PCDHGC5: variants seen among roughly 807,000 people sequenced by gnomAD.
PCDHGC5 encodes protocadherin gamma subfamily C, 5, also known as protocadherin gamma-C5.
In PCDHGC5, 25 loss-of-function variants were observed where a neutral mutation model predicts 59.0. The ratio of observed to expected loss-of-function variants is 0.42; its 90% confidence interval spans 0.31 to 0.59. The LOEUF (loss-of-function observed/expected upper bound fraction) is 0.59. Ranked by LOEUF, PCDHGC5 falls within the 20% of genes least tolerant of loss-of-function variation. The probability of loss-of-function intolerance (pLI) is 0.13; values close to 1 mark genes in which losing one functional copy is unlikely to be tolerated. For synonymous variants in PCDHGC5, 434 were observed against 505.5 expected (o/e 0.86, Z 1.90); for missense variants, 1,067 against 1,206.4 (o/e 0.88, Z 1.71).
At chr5:141,497,201 G>A (rs1190666375) in intron 2 of PCDHGC5, among the ~76,000 whole-genome samples, 1 of 93,734 alleles carries the variant, frequency 1.1e-5, no homozygotes, top group African/African-American at 8.6e-5. Flanking sequence ...AGAACAATGT[G>A]AGTGTAATGG....
rs934674909 is a variant in PCDHGC5, at chr5:141,511,083, A to C, written c.2745A>C (p.Thr915=). Residue 915 remains threonine, a synonymous_variant, in exon 4 of 4, where the codon ACA becomes ACC. Transcript: ENST00000252087. The part of the protein sequence containing the change: ...QNVYIPGSNA[T]LTNAAGKRDG... Reference sequence around the variant, plus strand: ...TCTACATCCCAGGCAGCAATGCCACACTGACCAACGCAGCTGGCAAGCGGG... The same window carrying C: ...TCTACATCCCAGGCAGCAATGCCACCCTGACCAACGCAGCTGGCAAGCGGG... 1.2e-6 allele frequency: 2 copies of C among 1,614,108 alleles called. No homozygotes were observed. Among genetic ancestry groups the C allele is most frequent in the African/African-American group, 2.7e-5 (2 of 74,940 alleles).
intron 2 of PCDHGC5, 142 bp downstream of exon 2, chr5:141,495,007 G>C (rs2099758216): frequency 2.0e-6 from 3 of 1,522,276 alleles, no homozygotes; most frequent in Non-Finnish European, 8.8e-7. Flanking sequence ...TTGGTGTGCG[G>C]GGGGCTGGCA....
At position 141,491,796 on chromosome 5, in the gene PCDHGC5, C is replaced by T. The variant is rs1487915203; in HGVS notation, c.2460+96C>T. The stretch of plus-strand genomic sequence containing the variant: ...GATTGAACTTGCATCCACTCCTCTC[C>T]GGCCGGCTTGGTCGCTGGCTGCGCT... On this transcript the variant is annotated intron_variant, in intron 1 of 3. Transcript: ENST00000252087. The surrounding 1 kb of genome is among the most constrained non-coding windows in gnomAD (Gnocchi z 6.9). 6.6e-7 allele frequency: 1 copy of T among 1,509,866 alleles called. No homozygotes were observed. The highest frequency in any genetic ancestry group is 2.4e-5 in the Admixed American group (1 of 42,218). The allele number at this position is 1,509,866 out of a possible 1,614,324, so 93.5% of individuals were successfully genotyped here. A position where few individuals can be genotyped will look rare whatever the true frequency, so the allele number is the denominator to read the frequency against.
Position 141,490,693 on chromosome 5 carries a change from G to A in PCDHGC5, c.1453G>A (p.Asp485Asn). The change falls in exon 1 of 4, where the codon GAT (aspartate) becomes AAT (asparagine). Residue 485 changes from aspartate to asparagine, a missense_variant. Asp to Asn is a conservative substitution (Grantham distance 23). Coordinates refer to ENST00000252087, the MANE Select transcript of PCDHGC5 (RefSeq NM_018929.3). This position sits in a 1 kb window ranked among gnomAD's most constrained non-coding sequence, Gnocchi z 5.4. ...GGCTGCCTCAGATCCAGACACTGGGGATAATGCCCGCCTCACCTACTCCAT... is the reference window on the plus strand; with the variant it reads ...GGCTGCCTCAGATCCAGACACTGGGAATAATGCCCGCCTCACCTACTCCAT... Reference protein sequence around the residue: ...TVAASDPDTGDNARLTYSIVG... With the variant: ...TVAASDPDTGNNARLTYSIVG... 1.9e-6 allele frequency: 3 copies of A among 1,614,170 alleles called. No homozygotes were observed. Among genetic ancestry groups the A allele is most frequent in the Non-Finnish European group, 2.5e-6 (3 of 1,180,018 alleles).
chr5:141,501,025 C>T (rs999221755), intron 2 of PCDHGC5, among the ~76,000 whole-genome samples: 94 of 152,100 alleles, frequency 6.2e-4, no homozygotes, highest in East Asian at 1.9e-3. Flanking sequence ...CGCGCCACCA[C>T]GCCCAGCTAA....
Position 141,489,375 on chromosome 5 carries a change from G to C in PCDHGC5, c.135G>C (p.Val45=). The change falls in exon 1 of 4, where the codon GTG becomes GTC. Residue 45 remains valine, a synonymous_variant. Coordinates refer to ENST00000252087, the MANE Select transcript of PCDHGC5 (RefSeq NM_018929.3). The surrounding 1 kb of genome is among the most constrained non-coding windows in gnomAD (Gnocchi z 4.5). ...VVEESEPGTL[V]GNVAQDLGLK... is the part of the protein sequence containing the mutation. ...AGGAGTCTGAGCCGGGGACGCTGGT[G>C]GGGAATGTTGCTCAGGATCTGGGCT... 1 of 1,613,826 alleles carries C rather than the reference G, an allele frequency of 6.2e-7. No homozygotes were observed.
chr5:141,492,320 G>T (rs1001784912), intron 1 of PCDHGC5, among the ~76,000 whole-genome samples: 1 of 152,206 alleles, frequency 6.6e-6, no homozygotes, highest in Non-Finnish European at 1.5e-5. Context: ...CTCCTCGCAC[G>T]TGGGCTTACG....
rs907427230 is a variant in PCDHGC5, at chr5:141,489,936, G to A, written c.696G>A (p.Val232=). 4 of 1,614,096 alleles carry A rather than the reference G, an allele frequency of 2.5e-6. No homozygotes were observed. In the African/African-American group the frequency reaches 5.3e-5, roughly 22 times the overall value. ...GGACCACCCTTATCTCTGTCATCGT[G>A]CTGGACATCAATGATAATGCTCCAA... is the stretch of plus-strand genomic sequence containing the variant. ...RSGTTLISVI[V]LDINDNAPTF... The change falls in exon 1 of 4, where the codon GTG becomes GTA. Residue 232 remains valine, a synonymous_variant. Coordinates refer to ENST00000252087, the MANE Select transcript of PCDHGC5 (RefSeq NM_018929.3). This position sits in a 1 kb window ranked among gnomAD's most constrained non-coding sequence, Gnocchi z 4.5.
intron 2 of PCDHGC5, among the ~76,000 whole-genome samples, chr5:141,501,290 T>TACAC (rs55762287): frequency 0.051 from 6,975 of 136,060 alleles, 192 homozygotes; most frequent in African/African-American, 0.071. Context: ...TATTCCCTTA[T>TACAC]ACACACACAC....
At chr5:141,505,583 T>C (rs2099846941) in intron 3 of PCDHGC5, 102 bp downstream of exon 3, 3 of 1,583,532 alleles carry the variant, frequency 1.9e-6, no homozygotes, top group Non-Finnish European at 2.6e-6. Flanking sequence ...ACCTGTGTAG[T>C]TTCTCCAGAT....
In PCDHGC5 at chr5:141,490,091, A is replaced by T; in HGVS notation, c.851A>T (p.His284Leu). 6.2e-7 allele frequency: 1 copy of T among 1,614,240 alleles called. No homozygotes were observed. Among genetic ancestry groups the T allele is most frequent in the East Asian group, 2.2e-5 (1 of 44,888 alleles). ...CAACTAGACTATTCTTTTGGAGACC[A>T]CACATCTGAGGCAGTGCGGAACCTC... ...NGQLDYSFGD[H>L]TSEAVRNLFG... Residue 284 changes from histidine to leucine, a missense_variant, in exon 1 of 4, where the codon CAC (histidine) becomes CTC (leucine). By Grantham distance (99) the His-to-Leu change is moderately conservative (BLOSUM62 -3). Coordinates refer to ENST00000252087, the MANE Select transcript of PCDHGC5 (RefSeq NM_018929.3). The surrounding 1 kb of genome is among the most constrained non-coding windows in gnomAD (Gnocchi z 5.4).
rs774505854 is a variant in PCDHGC5 at position 141,490,507 on chromosome 5, G to A, written c.1267G>A (p.Glu423Lys). The A allele has an allele frequency of 5.6e-6, 9 of 1,613,898 alleles. No individual in the cohort carries two copies. The highest frequency in any genetic ancestry group is 4.0e-5 in the African/African-American group (3 of 74,868). ...GGAGGCCACATCCCACTATATCATC[G>A]AGCTGCTGGCCAGCGATGCTGGTTC... ...DREATSHYII[E>K]LLASDAGSPS... The change falls in exon 1 of 4, where the codon GAG becomes AAG. Residue 423 changes from glutamate (E) to lysine (K), a missense_variant. Transcript: ENST00000252087. This position sits in a 1 kb window ranked among gnomAD's most constrained non-coding sequence, Gnocchi z 5.4.
intron 2 of PCDHGC5, among the ~76,000 whole-genome samples, chr5:141,500,184 TTTTATTTATTTATTTATTTA>T (rs58019021): frequency 1.5e-5 from 2 of 135,966 alleles, no homozygotes; most frequent in Non-Finnish European, 3.2e-5. Flanking sequence ...TCATTTTTAT[TTTTATTTATTTATTTATTTA>T]TTTATTTATT....
rs752604165 is a variant in PCDHGC5, at chr5:141,494,771, G to A, written c.2461-36G>A. On this transcript the variant is annotated intron_variant, in intron 1 of 3. Coordinates refer to ENST00000252087, the MANE Select transcript of PCDHGC5 (RefSeq NM_018929.3). ...CTCGGGTGACATTCTAACTTCTCAC[G>A]GGTACTCAGCCCCTTTCCCTCTGTT... 74 of 1,613,730 alleles carry A rather than the reference G, an allele frequency of 4.6e-5. No homozygotes were observed. The East Asian group carries it at 1.6e-3, about 36-fold the overall frequency.
rs767330174 is a variant in PCDHGC5, at chr5:141,491,818, C to T, written c.2460+118C>T. The T allele has an allele frequency of 1.6e-5, 24 of 1,481,560 alleles. No homozygotes were observed. The highest frequency in any genetic ancestry group is 1.9e-5 in the Non-Finnish European group (21 of 1,116,446). 91.8% of individuals were successfully genotyped at this position (1,481,560 alleles called of 1,614,324 possible). A position where few individuals can be genotyped will look rare whatever the true frequency, so the allele number is the denominator to read the frequency against. On this transcript the variant is annotated intron_variant, in intron 1 of 3. Transcript: ENST00000252087. This position sits in a 1 kb window ranked among gnomAD's most constrained non-coding sequence, Gnocchi z 6.9. ...CTCCGGCCGGCTTGGTCGCTGGCTGCGCTCCACCCGATTCTCGGGATCATT... is the reference window on the plus strand; with the variant it reads ...CTCCGGCCGGCTTGGTCGCTGGCTGTGCTCCACCCGATTCTCGGGATCATT...
At chr5:141,504,483 AGGCACC>A (rs2099838618) in intron 2 of PCDHGC5, among the ~76,000 whole-genome samples, 1 of 151,954 alleles carries the variant, frequency 6.6e-6, no homozygotes, top group Non-Finnish European at 1.5e-5. Flanking sequence ...AGTACAGTGG[AGGCACC>A]TGCCCAGTCT....
At chr5:141,508,538 G>C (rs1383873129) in intron 3 of PCDHGC5, among the ~76,000 whole-genome samples, 1 of 152,120 alleles carries the variant, frequency 6.6e-6, no homozygotes, top group African/African-American at 2.4e-5. Flanking sequence ...CACCCCCCAC[G>C]AGGTGGGCGG....
chr5:141,496,284 G>A (rs1052943936), intron 2 of PCDHGC5, among the ~76,000 whole-genome samples: 6 of 152,210 alleles, frequency 3.9e-5, no homozygotes, highest in Admixed American at 1.3e-4. Context: ...CAGTTGGTCT[G>A]AGCAGAGTGG....
In PCDHGC5 at chr5:141,490,951, T is replaced by C. The variant is rs778168052; in HGVS notation, c.1711T>C (p.Trp571Arg). 20 of 1,613,640 alleles carry C rather than the reference T, an allele frequency of 1.2e-5. No homozygotes were observed. Among genetic ancestry groups the C allele is most frequent in the Middle Eastern group, 1.6e-4 (1 of 6,084 alleles). The change falls in exon 1 of 4, where the codon TGG becomes CGG. Residue 571 changes from tryptophan to arginine, a missense_variant. By Grantham distance (101) the Trp-to-Arg change is moderately radical. Coordinates refer to ENST00000252087, the MANE Select transcript of PCDHGC5 (RefSeq NM_018929.3). This position sits in a 1 kb window ranked among gnomAD's most constrained non-coding sequence, Gnocchi z 5.4. The stretch of plus-strand genomic sequence containing the variant: ...AGCTGTGCTGCACCCACGGCCAGAC[T>C]GGGAACACTCAGCCCCCCAGCGTCT... ...APAVLHPRPD[W>R]EHSAPQRLPR...
Sources: gnomAD v4.1 joint callset for allele counts (sites outside exome capture counted in the v4.1 genomes callset) on GRCh38, gnomAD v4.1.1 for gene constraint, Gnocchi (gnomAD v3.1) non-coding constraint, MANE v1.5 for transcripts, NCBI Gene and HGNC (gene_info 2026-07-23, HGNC 2026-07-21) for gene names.